Variants in CLEC16A observed in about 807,000 individuals in gnomAD.
The protein encoded by CLEC16A is C-type lectin domain containing 16A.
A neutral mutation model predicts 109.5 loss-of-function variants in CLEC16A; 51 were observed. That is an observed-to-expected ratio of 0.47 (90% CI 0.37 to 0.59). The LOEUF is 0.59. Among genes scored for constraint, CLEC16A ranks in the 20% least tolerant of loss-of-function variants. The pLI is 0.00. For missense variants in CLEC16A, 1,339 were observed against 1,394.0 expected, an observed-to-expected ratio of 0.96 and a Z score of 0.63; for synonymous variants, 673 against 564.2, an observed-to-expected ratio of 1.19 and a Z score of -2.73.
At chr16:10,953,574 G>C (rs2041839804) in intron 1 of CLEC16A, among the ~76,000 whole-genome samples, 2 of 152,164 alleles carry the variant, frequency 1.3e-5, no homozygotes, top group Non-Finnish European at 2.9e-5. Context: ...TAAAGGGAAC[G>C]AAAAGGTAAG....
intron 22 of CLEC16A, among the ~76,000 whole-genome samples, chr16:11,153,305 C>T (rs2153081243): frequency 6.6e-6 from 1 of 152,068 alleles, no homozygotes; most frequent in African/African-American, 2.4e-5. Context: ...CAGCAGGACT[C>T]CTTCTCGTTT....
At chr16:11,070,810 C>T (rs756843589) in intron 19 of CLEC16A, 1 of 152,250 alleles carries the variant, frequency 6.6e-6, no homozygotes, top group Admixed American at 6.6e-5. Flanking sequence ...TCTTACCAAC[C>T]CCAACCTGCA....
chr16:11,099,927 A>T (rs775670007), intron 19 of CLEC16A, among the ~76,000 whole-genome samples: 26 of 152,092 alleles, frequency 1.7e-4, no homozygotes, highest in Non-Finnish European at 3.5e-4. Context: ...GGAAGCAGAG[A>T]CAGTGGGGAT....
At chr16:11,076,127 A>C (rs1010568665) in intron 19 of CLEC16A, among the ~76,000 whole-genome samples, 1 of 152,070 alleles carries the variant, frequency 6.6e-6, no homozygotes, top group African/African-American at 2.4e-5. Context: ...TGCCCTTTCC[A>C]CACCAACAGC....
intron 11 of CLEC16A, among the ~76,000 whole-genome samples, chr16:11,011,331 C>T (rs1222621645): frequency 3.3e-5 from 5 of 152,132 alleles, no homozygotes; most frequent in Non-Finnish European, 4.4e-5. Context: ...TTCCCTTCTT[C>T]TCATTTATTT....
chr16:10,952,610 C>G (rs1004154247), intron 1 of CLEC16A, among the ~76,000 whole-genome samples: 12 of 152,198 alleles, frequency 7.9e-5, no homozygotes, highest in African/African-American at 2.7e-4. Context: ...AAATCTTAAT[C>G]CATTCAGCCT....
In CLEC16A at chr16:11,179,639, G is replaced by T. The variant is rs1206358758; in HGVS notation, c.*949G>T. ...TGTTACCATCTCTAAGAAGGAACCAGTTGGGACCGTGAAGACTCCCGACCC... is the reference window on the plus strand; with the variant it reads ...TGTTACCATCTCTAAGAAGGAACCATTTGGGACCGTGAAGACTCCCGACCC... On this transcript the variant is annotated 3_prime_UTR_variant, in exon 24 of 24. Transcript: ENST00000409790. 1 of 152,256 alleles carries T rather than the reference G, an allele frequency of 6.6e-6. No individual in the cohort carries two copies. Among genetic ancestry groups the T allele is most frequent in the African/African-American group, 2.4e-5 (1 of 41,446 alleles). 9.4% of individuals were successfully genotyped at this position (152,256 alleles called of 1,614,324 possible).
chr16:11,052,810 C>T (rs1404712744), intron 18 of CLEC16A, among the ~76,000 whole-genome samples: 1 of 152,166 alleles, frequency 6.6e-6, no homozygotes, highest in Admixed American at 6.5e-5. Context: ...CTGGGAGATC[C>T]CCCCGCACCC....
At chr16:11,066,934 A>C (rs2048792784) in intron 19 of CLEC16A, among the ~76,000 whole-genome samples, 1 of 152,126 alleles carries the variant, frequency 6.6e-6, no homozygotes, top group African/African-American at 2.4e-5. Context: ...ATAAAAAACA[A>C]AGCTTTTGGG....
At chr16:11,011,791 T>A (rs1418858273) in intron 11 of CLEC16A, among the ~76,000 whole-genome samples, 1 of 152,146 alleles carries the variant, frequency 6.6e-6, no homozygotes, top group Admixed American at 6.5e-5. Flanking sequence ...AGAAATCATA[T>A]GTTCATACCA....
chr16:11,092,977 C>G (rs2050398727), intron 19 of CLEC16A, among the ~76,000 whole-genome samples: 1 of 152,240 alleles, frequency 6.6e-6, no homozygotes, highest in Non-Finnish European at 1.5e-5. Flanking sequence ...CCCCCTACCC[C>G]AGTGTCGAGG....
intron 22 of CLEC16A, among the ~76,000 whole-genome samples, chr16:11,141,413 C>A (rs1021006211): frequency 1.3e-5 from 2 of 152,188 alleles, no homozygotes; most frequent in African/African-American, 2.4e-5. Context: ...CAGGGGGATA[C>A]CTGAAGTGGT....
chr16:11,086,771 G>A (rs1463208216), intron 19 of CLEC16A, among the ~76,000 whole-genome samples: 3 of 152,038 alleles, frequency 2.0e-5, no homozygotes, highest in Non-Finnish European at 4.4e-5. Flanking sequence ...TCAAACTCCT[G>A]ACCCCAGGTG....
At chr16:10,967,473 C>T (rs2042568296) in intron 3 of CLEC16A, among the ~76,000 whole-genome samples, 1 of 152,180 alleles carries the variant, frequency 6.6e-6, no homozygotes. Context: ...GATCATGGCT[C>T]ACTGCAGCCT....
chr16:11,025,583 A>C (rs1258045489), intron 13 of CLEC16A, among the ~76,000 whole-genome samples: 2 of 152,216 alleles, frequency 1.3e-5, no homozygotes, highest in African/African-American at 4.8e-5. Context: ...TCAAAGAAGA[A>C]TTCAGGAATA....
chr16:11,160,144 A>C (rs567938046), intron 22 of CLEC16A, among the ~76,000 whole-genome samples: 1 of 152,176 alleles, frequency 6.6e-6, no homozygotes, highest in South Asian at 2.1e-4. Flanking sequence ...AAATAGTTGC[A>C]CTTTAGTCAC....
Position 10,972,598 on chromosome 16 carries a change from A to G in CLEC16A, c.604+39A>G, listed in dbSNP as rs546040731. The G allele has an allele frequency of 5.8e-6, 9 of 1,563,406 alleles. No individual in the cohort carries two copies. The African/African-American group carries it at 6.8e-5, about 12-fold the overall frequency. ...CTCTGGTTTTCTGCTTTCTTAATCTACCCTTATATGTAAATACCTTGCTTG... is the reference window on the plus strand; with the variant it reads ...CTCTGGTTTTCTGCTTTCTTAATCTGCCCTTATATGTAAATACCTTGCTTG... On this transcript the variant is annotated intron_variant, in intron 6 of 23. Coordinates refer to ENST00000409790, the MANE Select transcript of CLEC16A (RefSeq NM_015226.3).
intron 22 of CLEC16A, among the ~76,000 whole-genome samples, chr16:11,141,870 A>G (rs2053847792): frequency 6.6e-6 from 1 of 152,228 alleles, no homozygotes; most frequent in African/African-American, 2.4e-5. Context: ...TGATCTCAGT[A>G]ACCGCAGAGC....
chr16:11,005,601 C>A (rs1312470634), intron 11 of CLEC16A, among the ~76,000 whole-genome samples: 1 of 152,226 alleles, frequency 6.6e-6, no homozygotes. Flanking sequence ...TAGACCGGTC[C>A]TGCCAGGCAA....
Sources: gnomAD v4.1 joint callset for allele counts (sites outside exome capture counted in the v4.1 genomes callset) on GRCh38, gnomAD v4.1.1 for gene constraint, MANE v1.5 for transcripts, NCBI Gene and HGNC (gene_info 2026-07-23, HGNC 2026-07-21) for gene names.